Variants in URGCP observed in about 807,000 individuals in gnomAD.
URGCP encodes the protein up-regulator of cell proliferation.
A neutral mutation model predicts 24.6 loss-of-function variants in URGCP; 13 were observed. The observed-to-expected ratio is 0.53, with a 90% CI of 0.34 to 0.84. The LOEUF (loss-of-function observed/expected upper bound fraction) is 0.84, where lower values mean the gene tolerates loss of function less well. Ranked by LOEUF, URGCP falls within the 40% of genes least tolerant of loss-of-function variation. The probability of loss-of-function intolerance (pLI) is 0.01; values close to 1 mark genes in which losing one functional copy is unlikely to be tolerated. For missense variants in URGCP, 899 were observed against 1,194.3 expected (o/e 0.75, Z 3.64); for synonymous variants, 444 against 487.2 (o/e 0.91, Z 1.17).
chr7:43,901,245 G>A (rs1413022603), intron 1 of URGCP, among the ~76,000 whole-genome samples: 1 of 152,220 alleles, frequency 6.6e-6, no homozygotes, highest in Non-Finnish European at 1.5e-5. Context: ...GGTTCCGGAT[G>A]AGAGGCTCTC....
chr7:43,919,614 T>A, intron 1 of URGCP: 1 of 1,405,064 alleles, frequency 7.1e-7, no homozygotes, highest in Non-Finnish European at 1.0e-6. Flanking sequence ...CGTGATGGTA[T>A]CCACAGGCCG....
rs778695502 is a variant in URGCP, at chr7:43,887,436, G to A, written c.91C>T (p.Arg31Ter). ...TTACCTGCAATGGCCACAGCTGTTC[G>A]TCTCTCTGATGCTTTTATTTCTGGG... Reference protein sequence around the residue: ...VAPEIKASERRTAVAIADLEW... With the variant: ...VAPEIKASER Residue 31 changes from arginine (R) to a stop codon, truncating the protein, a stop_gained, in exon 3 of 6, where the codon CGA becomes TGA. Transcript: ENST00000453200. LOFTEE classifies it high-confidence loss of function. The A allele has an allele frequency of 1.2e-6, 2 of 1,613,822 alleles. No individual in the cohort carries two copies. The highest frequency in any genetic ancestry group is 1.7e-6 in the Non-Finnish European group (2 of 1,179,826).
intron 1 of URGCP, 103 bp from the exon 2 acceptor site, chr7:43,887,919 T>TCTGC: frequency 1.4e-6 from 1 of 733,522 alleles, no homozygotes; most frequent in Non-Finnish European, 2.3e-6. Flanking sequence ...ATAACGGAAT[T>TCTGC]ATGGTCAAAT....
chr7:43,920,553 ACT>A (rs2095921134), intron 1 of URGCP, among the ~76,000 whole-genome samples: 1 of 152,108 alleles, frequency 6.6e-6, no homozygotes, highest in African/African-American at 2.4e-5. Flanking sequence ...ACAGAGCGAG[ACT>A]CTGTCTCAAA....
At chr7:43,888,523 A>G (rs935952151) in intron 1 of URGCP, 4 of 151,542 alleles carry the variant, frequency 2.6e-5, no homozygotes, top group African/African-American at 9.7e-5. Flanking sequence ...AAAAAAGACT[A>G]AACTATTTTA....
At chr7:43,919,289 C>T (rs1014533644) in intron 1 of URGCP, 50 of 822,014 alleles carry the variant, frequency 6.1e-5, no homozygotes, top group Admixed American at 2.7e-4. Flanking sequence ...TGATGCAGAA[C>T]GCAGACTGTG....
intron 1 of URGCP, among the ~76,000 whole-genome samples, chr7:43,891,874 C>T (rs1361449949): frequency 3.9e-5 from 6 of 152,022 alleles, no homozygotes; most frequent in Non-Finnish European, 8.8e-5. Flanking sequence ...CCTACGCCCC[C>T]AGGTTCAAGC....
intron 1 of URGCP, 190 bp from the exon 2 acceptor site, chr7:43,888,006 G>A (rs1353633448): frequency 3.6e-6 from 2 of 562,088 alleles, no homozygotes; most frequent in East Asian, 6.0e-5. Flanking sequence ...AGGGAAAGCT[G>A]TTATATTAAT....
chr7:43,882,140 CTT>C (rs2095854908), intron 3 of URGCP, 183 bp from the exon 4 acceptor site: 1 of 1,026,064 alleles, frequency 9.7e-7, no homozygotes, highest in Non-Finnish European at 1.3e-6. Flanking sequence ...TCTACAAAGA[CTT>C]TTTTTAAAAA....
At chr7:43,881,827 T>C in intron 4 of URGCP, 80 bp downstream of exon 4, 4 of 1,605,906 alleles carry the variant, frequency 2.5e-6, no homozygotes, top group Non-Finnish European at 3.4e-6. Context: ...TTGTTCTAAA[T>C]ATAAAATCCC....
chr7:43,877,894 C>T lies in URGCP; in HGVS notation c.1569G>A (p.Lys523=), dbSNP rs1032963101. ...GCCGCCGCCTCAGCTCAGCCCTGTG[C>T]TTCTCAGGGGGGTCCACGGCCCACT... The part of the protein sequence containing the change: ...QLQWAVDPPE[K]HRAELRRRLL... The change falls in exon 6 of 6, where the codon AAG becomes AAA. Residue 523 remains lysine (K), a synonymous_variant. Coordinates refer to ENST00000453200, the MANE Select transcript of URGCP (RefSeq NM_001077663.3). 3 of 1,613,848 alleles carry T rather than the reference C, an allele frequency of 1.9e-6. No homozygotes were observed. The African/African-American group carries it at 4.0e-5, about 22-fold the overall frequency.
chr7:43,920,544 C>T (rs1016871393), intron 1 of URGCP, among the ~76,000 whole-genome samples: 4 of 152,190 alleles, frequency 2.6e-5, no homozygotes, highest in African/African-American at 7.2e-5. Flanking sequence ...GCCTGGGCAA[C>T]AGAGCGAGAC....
At position 43,878,664 on chromosome 7, in the gene URGCP, G is replaced by C; in HGVS notation, c.799C>G (p.Arg267Gly). ...TTGGAGTTGCTACTGACGTCCATGC[G>C]CACGAAGGCGAAGGCGGGCGCCCTG... ...LSRAPAFAFV[R>G]MDVSSNSKSQ... The change falls in exon 6 of 6, where the codon CGC becomes GGC. Residue 267 changes from arginine (R) to glycine (G), a missense_variant. Coordinates refer to ENST00000453200, the MANE Select transcript of URGCP (RefSeq NM_001077663.3). This position sits in a 1 kb window ranked among gnomAD's most constrained non-coding sequence, Gnocchi z 5.6. The C allele has an allele frequency of 6.2e-7, 1 of 1,613,404 alleles. No individual in the cohort carries two copies. Among genetic ancestry groups the C allele is most frequent in the South Asian group, 1.1e-5 (1 of 91,086 alleles).
chr7:43,918,922 C>T (rs780521173), intron 1 of URGCP: 11 of 1,386,456 alleles, frequency 7.9e-6, no homozygotes, highest in Non-Finnish European at 1.1e-5. Context: ...GTGATCCACT[C>T]CATCCTCAAC....
At position 43,877,965 on chromosome 7, in the gene URGCP, G is replaced by C. The variant is rs773177536; in HGVS notation, c.1498C>G (p.Pro500Ala). 3 of 1,614,178 alleles carry C rather than the reference G, an allele frequency of 1.9e-6. No homozygotes were observed. In the East Asian group the frequency reaches 6.7e-5, roughly 36 times the overall value. Residue 500 changes from proline to alanine, a missense_variant, in exon 6 of 6, where the codon CCC (proline) becomes GCC (alanine). Pro to Ala is a conservative substitution (Grantham distance 27). Transcript: ENST00000453200. Reference sequence around the variant, plus strand: ...TCCACTTGGGCTGCCTTTCTCCAGGGGTCCCCCTGCAGCCTCAGCTCGTCC... The same window carrying C: ...TCCACTTGGGCTGCCTTTCTCCAGGCGTCCCCCTGCAGCCTCAGCTCGTCC... ...RRDELRLQGD[P>A]WRKAAQVEKE...
intron 1 of URGCP, among the ~76,000 whole-genome samples, chr7:43,900,469 C>CAAAAAAAAAAAAAAAACAAAAA (rs2095888339): frequency 8.7e-6 from 1 of 114,492 alleles, no homozygotes; most frequent in Non-Finnish European, 1.8e-5. Context: ...AAAACCAAAA[C>CAAAAAAAAAAAAAAAACAAAAA]AAAAAAAAAA....
chr7:43,899,158 TA>T (rs35185367), intron 1 of URGCP, among the ~76,000 whole-genome samples: 21,985 of 147,482 alleles, frequency 0.15, 1,776 homozygotes, highest in Admixed American at 0.19. Context: ...TATATTTATA[TA>T]AAAATTTTTA....
At chr7:43,926,524 C>G (rs762312888), upstream of URGCP, 1 of 1,532,252 alleles carries the variant, frequency 6.5e-7, no homozygotes, top group African/African-American at 1.4e-5. Flanking sequence ...TCCCCGGCAG[C>G]GGGGTAGGAT....
At chr7:43,889,212 A>G (rs148832558) in intron 1 of URGCP, 9 of 152,364 alleles carry the variant, frequency 5.9e-5, no homozygotes, top group African/African-American at 2.2e-4. Context: ...AGCAGGGTGC[A>G]GTGACTCATG....
Sources: gnomAD v4.1 joint callset for allele counts (sites outside exome capture counted in the v4.1 genomes callset) on GRCh38, gnomAD v4.1.1 for gene constraint, Gnocchi (gnomAD v3.1) non-coding constraint, MANE v1.5 for transcripts, NCBI Gene and HGNC (gene_info 2026-07-23, HGNC 2026-07-21) for gene names.